Variants in ESR1 observed in about 807,000 individuals in gnomAD.
ESR1 encodes estrogen receptor 1, also known as estrogen receptor.
ESR1 carries 12 observed loss-of-function variants against 52.7 expected under a neutral mutation model. The observed-to-expected ratio is 0.23, with a 90% CI of 0.15 to 0.37. The LOEUF is 0.37. Among genes scored for constraint, ESR1 ranks in the 10% least tolerant of loss-of-function variants. The pLI, the probability that ESR1 is intolerant of heterozygous loss-of-function variation, is 1.00. For synonymous variants in ESR1, 305 were observed against 316.8 expected (o/e 0.96, Z 0.39); for missense variants, 584 against 779.7 (o/e 0.75, Z 2.99).
At chr6:152,081,322 G>C (rs9478288) in intron 6 of ESR1, among the ~76,000 whole-genome samples, 32,033 of 151,742 alleles carry the variant, frequency 0.21, 4,762 homozygotes, top group African/African-American at 0.41. Flanking sequence ...TTAAGAAACT[G>C]ACTCAAATCC....
At chr6:151,990,679 G>T (rs2128712545) in intron 4 of ESR1, among the ~76,000 whole-genome samples, 2 of 152,306 alleles carry the variant, frequency 1.3e-5, no homozygotes, top group Middle Eastern at 3.4e-3. Flanking sequence ...AGTGGTTACT[G>T]TACATTGTGG....
At chr6:151,833,976 T>C (rs953606760) in intron 1 of ESR1, among the ~76,000 whole-genome samples, 2 of 152,006 alleles carry the variant, frequency 1.3e-5, no homozygotes, top group African/African-American at 4.8e-5. Context: ...ATTAGAGAAA[T>C]GCAAATCAAA....
At chr6:151,709,237 T>C (rs1438965260) in intron 2 of ESR1, among the ~76,000 whole-genome samples, 1 of 152,192 alleles carries the variant, frequency 6.6e-6, no homozygotes, top group Non-Finnish European at 1.5e-5. Context: ...TTGGTATTTG[T>C]CTTTCTGTGC....
At chr6:152,067,490 A>G (rs1425534728) in intron 6 of ESR1, among the ~76,000 whole-genome samples, 1 of 152,190 alleles carries the variant, frequency 6.6e-6, no homozygotes, top group Non-Finnish European at 1.5e-5. Context: ...TTTGATTACC[A>G]TTTTATCCTA....
chr6:151,696,241 C>A (rs1582920270), intron 1 of ESR1, among the ~76,000 whole-genome samples: 9 of 151,892 alleles, frequency 5.9e-5, no homozygotes. Context: ...GAGGCTGAGG[C>A]CAGTGAATCA....
chr6:151,717,178 G>A (rs1055838335), intron 2 of ESR1, among the ~76,000 whole-genome samples: 19 of 152,168 alleles, frequency 1.2e-4, no homozygotes, highest in Non-Finnish European at 2.9e-5. Context: ...CACCCTCTGT[G>A]GGCTGCACCC....
intron 2 of ESR1, among the ~76,000 whole-genome samples, chr6:151,877,455 TTATC>T: frequency 6.6e-6 from 1 of 152,344 alleles, no homozygotes; most frequent in South Asian, 2.1e-4. Context: ...TTTTGTCAGT[TTATC>T]AATTCTAGCT....
At position 151,995,955 on chromosome 6, in the gene ESR1, G is replaced by C. The variant is rs369421700; in HGVS notation, c.1097-15701G>C. The stretch of plus-strand genomic sequence containing the variant: ...TGGAGAAGTTACATAGCTTTCTCAT[G>C]GTGTCTCCACTATGAAGTAGCTGAG... On this transcript the variant is annotated intron_variant, in intron 4 of 7. Coordinates refer to ENST00000206249, the MANE Select transcript of ESR1 (RefSeq NM_000125.4). Among the ~76,000 whole-genome samples the C allele has an allele frequency of 1.7e-4, 26 of 152,220 alleles. No individual in the cohort carries two copies. In the East Asian group the frequency reaches 1.9e-3, roughly 11 times the overall value.
intron 6 of ESR1, among the ~76,000 whole-genome samples, chr6:152,112,503 G>T (rs1374374017): frequency 1.3e-5 from 2 of 152,096 alleles, no homozygotes; most frequent in African/African-American, 4.8e-5. Flanking sequence ...GGAAGAAAGG[G>T]CTTAACAATG....
At chr6:151,880,007 AAAACCAAACC>A (rs940055868) in intron 2 of ESR1, among the ~76,000 whole-genome samples, 3 of 152,170 alleles carry the variant, frequency 2.0e-5, no homozygotes, top group African/African-American at 7.2e-5. Context: ...CAGTCTTGGT[AAAACCAAACC>A]AAACCAAACC....
chr6:151,898,727 G>T (rs1337177497), intron 3 of ESR1, among the ~76,000 whole-genome samples: 1 of 152,118 alleles, frequency 6.6e-6, no homozygotes, highest in African/African-American at 2.4e-5. Flanking sequence ...TAAGGTCACA[G>T]ATCAACAGGA....
chr6:151,950,463 C>A (rs2036209406), intron 4 of ESR1, among the ~76,000 whole-genome samples: 1 of 152,152 alleles, frequency 6.6e-6, no homozygotes, highest in Non-Finnish European at 1.5e-5. Flanking sequence ...AAAGTCCTAA[C>A]CCCCAGTATC....
chr6:151,721,033 C>T (rs1434258601), intron 2 of ESR1, among the ~76,000 whole-genome samples: 1 of 152,148 alleles, frequency 6.6e-6, no homozygotes, highest in South Asian at 2.1e-4. Context: ...GTGAGAGACA[C>T]AAACAAATAA....
At chr6:152,004,217 G>C (rs1301407982) in intron 4 of ESR1, among the ~76,000 whole-genome samples, 5 of 152,010 alleles carry the variant, frequency 3.3e-5, no homozygotes, top group African/African-American at 1.2e-4. Flanking sequence ...CACATGAGCT[G>C]ATGTCCAGAG....
At chr6:151,992,682 G>GT (rs2041136092) in intron 4 of ESR1, among the ~76,000 whole-genome samples, 1 of 152,122 alleles carries the variant, frequency 6.6e-6, no homozygotes. Context: ...AAAGTGATAC[G>GT]TTTCTTGAAG....
chr6:151,711,895 T>C (rs1303557965), intron 2 of ESR1, among the ~76,000 whole-genome samples: 1 of 152,242 alleles, frequency 6.6e-6, no homozygotes, highest in Admixed American at 6.5e-5. Flanking sequence ...CCATTGCTTT[T>C]GGTGTTTTAG....
At chr6:152,022,632 G>A (rs1442072143) in intron 5 of ESR1, among the ~76,000 whole-genome samples, 2 of 152,080 alleles carry the variant, frequency 1.3e-5, no homozygotes, top group Non-Finnish European at 2.9e-5. Flanking sequence ...TTTTTGAGAA[G>A]TAGAGGTACA....
chr6:151,694,442 TTAAA>T (rs1324414498), intron 1 of ESR1, among the ~76,000 whole-genome samples: 1 of 152,134 alleles, frequency 6.6e-6, no homozygotes, highest in Non-Finnish European at 1.5e-5. Flanking sequence ...TTCATGAGGA[TTAAA>T]TAAAGTAATG....
Position 151,901,695 on chromosome 6 carries a change from C to T in ESR1, c.760+20924C>T, listed in dbSNP as rs1008997332. Among the ~76,000 whole-genome samples the T allele has an allele frequency of 2.6e-5, 4 of 152,232 alleles. No individual in the cohort carries two copies. In the South Asian group the frequency reaches 8.3e-4, roughly 31 times the overall value. ...TAAGTTCATATCCTTCTCCCATGAT[C>T]TGGAGCTGCAGATTCCCCAGTGAGG... On this transcript the variant is annotated intron_variant, in intron 3 of 7. Transcript: ENST00000206249.
Sources: gnomAD v4.1 joint callset for allele counts (sites outside exome capture counted in the v4.1 genomes callset) on GRCh38, gnomAD v4.1.1 for gene constraint, MANE v1.5 for transcripts, NCBI Gene and HGNC (gene_info 2026-07-23, HGNC 2026-07-21) for gene names.